MBNL1: variants seen among roughly 807,000 people sequenced by gnomAD.
MBNL1 encodes muscleblind-like protein 1.
A neutral mutation model predicts 42.2 loss-of-function variants in MBNL1; 8 were observed. The ratio of observed to expected loss-of-function variants is 0.19; its 90% CI spans 0.11 to 0.34. The LOEUF (loss-of-function observed/expected upper bound fraction) is 0.34. Ranked by LOEUF, MBNL1 falls within the 10% of genes least tolerant of loss-of-function variation. The pLI is 1.00. For missense variants in MBNL1, 309 were observed against 495.3 expected (o/e 0.62, Z 3.57); for synonymous variants, 169 against 173.9 (o/e 0.97, Z 0.22).
At chr3:152,354,668 G>A (rs2095375723) in intron 2 of MBNL1, among the ~76,000 whole-genome samples, 1 of 150,924 alleles carries the variant, frequency 6.6e-6, no homozygotes, top group South Asian at 2.1e-4. Flanking sequence ...CTGCCCTGAA[G>A]CCTTTGGTTT....
In MBNL1 at chr3:152,418,074, C is replaced by A. The variant is rs185058921; in HGVS notation, c.345+2963C>A. 4.9e-3 allele frequency among the ~76,000 whole-genome samples: 745 copies of A among 152,196 alleles called. 4 individuals carry two copies. Among genetic ancestry groups the A allele is most frequent in the Non-Finnish European group, 8.6e-3 (582 of 68,000 alleles). On this transcript the variant is annotated intron_variant, in intron 3 of 9. Coordinates refer to ENST00000324210, the MANE Select transcript of MBNL1 (RefSeq NM_021038.5). ...GAGCTTCTATTGAAATGTACCAAGC[C>A]AAGAATCAGAAACCGGACTTAAAAT...
rs372422529 is a variant in MBNL1, at chr3:152,327,150, A to C, written c.174+26783A>C. 8.9e-4 allele frequency among the ~76,000 whole-genome samples: 136 copies of C among 152,012 alleles called. 1 individual carries two copies. The highest frequency in any genetic ancestry group is 3.2e-3 in the African/African-American group (131 of 41,478). On this transcript the variant is annotated intron_variant, in intron 2 of 9. Coordinates refer to ENST00000324210, the MANE Select transcript of MBNL1 (RefSeq NM_021038.5). Reference sequence around the variant, plus strand: ...TGCTTCTCCTAATTTTTTTTGATTAATATGTTTTGATAACATTGTTCCTAT... The same window carrying C: ...TGCTTCTCCTAATTTTTTTTGATTACTATGTTTTGATAACATTGTTCCTAT...
chr3:152,439,674 G>GAT (rs1490197551), intron 4 of MBNL1, among the ~76,000 whole-genome samples: 1 of 152,060 alleles, frequency 6.6e-6, no homozygotes, highest in Non-Finnish European at 1.5e-5. Context: ...TTAGAGTTTT[G>GAT]ATATGGTATA....
intron 2 of MBNL1, among the ~76,000 whole-genome samples, chr3:152,315,477 C>G (rs2070269215): frequency 6.6e-6 from 1 of 152,064 alleles, no homozygotes; most frequent in Non-Finnish European, 1.5e-5. Context: ...GAAAATTAAG[C>G]TAAATTATTA....
intron 4 of MBNL1, among the ~76,000 whole-genome samples, chr3:152,433,566 C>T (rs1048199337): frequency 6.6e-6 from 1 of 151,738 alleles, no homozygotes; most frequent in African/African-American, 2.4e-5. Context: ...CTGGCTAACA[C>T]GGTGAAACCC....
At chr3:152,440,784 A>G (rs992630246) in intron 4 of MBNL1, among the ~76,000 whole-genome samples, 1 of 152,244 alleles carries the variant, frequency 6.6e-6, no homozygotes, top group African/African-American at 2.4e-5. Context: ...TCTTTACATT[A>G]AATTATAAAC....
At chr3:152,430,125 A>AAGTATT (rs1318949056) in intron 3 of MBNL1, among the ~76,000 whole-genome samples, 1 of 152,152 alleles carries the variant, frequency 6.6e-6, no homozygotes, top group Non-Finnish European at 1.5e-5. Flanking sequence ...TACATAATAA[A>AAGTATT]AGTATTATTC....
At chr3:152,330,926 CT>C (rs1330458495) in intron 2 of MBNL1, among the ~76,000 whole-genome samples, 1 of 152,092 alleles carries the variant, frequency 6.6e-6, no homozygotes, top group African/African-American at 2.4e-5. Context: ...TAAGGATTAT[CT>C]ACTATATACA....
At chr3:152,339,093 A>G (rs963396380) in intron 2 of MBNL1, among the ~76,000 whole-genome samples, 2 of 152,268 alleles carry the variant, frequency 1.3e-5, no homozygotes, top group South Asian at 4.1e-4. Context: ...ATATATCTTC[A>G]AATTCTTCAA....
At chr3:152,308,756 A>G (rs1001448504) in intron 2 of MBNL1, among the ~76,000 whole-genome samples, 3 of 151,710 alleles carry the variant, frequency 2.0e-5, no homozygotes, top group Non-Finnish European at 2.9e-5. Flanking sequence ...TTTTCTAAAT[A>G]CTAGTAGCCA....
chr3:152,301,516 C>T (rs1283110175), intron 2 of MBNL1, among the ~76,000 whole-genome samples: 3 of 151,982 alleles, frequency 2.0e-5, no homozygotes, highest in Non-Finnish European at 4.4e-5. Context: ...TTCATTGTTT[C>T]CTGGTCCATT....
Position 152,299,649 on chromosome 3 carries a change from A to G in MBNL1, c.-545A>G. The G allele has an allele frequency of 5.0e-6, 2 of 398,758 alleles. No homozygotes were observed. The highest frequency in any genetic ancestry group is 8.8e-6 in the Non-Finnish European group (2 of 226,114). 24.7% of individuals were successfully genotyped at this position (398,758 alleles called of 1,614,324 possible). A position where few individuals can be genotyped will look rare whatever the true frequency, so the allele number is the denominator to read the frequency against. ...CTGAAAAAGTAAGATATCTTCTGCC[A>G]GGAAATCAAGGAGGAAAAAAAAAAT... is the stretch of plus-strand genomic sequence containing the variant. On this transcript the variant is annotated 5_prime_UTR_variant, in exon 2 of 10. Transcript: ENST00000324210.
intron 3 of MBNL1, among the ~76,000 whole-genome samples, chr3:152,425,151 A>G (rs1398442430): frequency 1.3e-5 from 2 of 152,192 alleles, no homozygotes; most frequent in East Asian, 3.8e-4. Context: ...GATTTTTGCA[A>G]TCATCCATCT....
At chr3:152,380,326 G>A (rs1038727022) in intron 2 of MBNL1, among the ~76,000 whole-genome samples, 1 of 151,984 alleles carries the variant, frequency 6.6e-6, no homozygotes, top group Non-Finnish European at 1.5e-5. Context: ...AATTTGACAC[G>A]CTCCTTATCT....
At position 152,425,619 on chromosome 3, in the gene MBNL1, A is replaced by G. The variant is rs568807465; in HGVS notation, c.346-7098A>G. ...AGAGGATCTGTCTCAGAAAAAAAAA[A>G]AAAGAAAGAAATGCAAATCAAAACC... On this transcript the variant is annotated intron_variant, in intron 3 of 9. Transcript: ENST00000324210. 2.0e-5 allele frequency among the ~76,000 whole-genome samples: 3 copies of G among 152,024 alleles called. No homozygotes were observed. In the East Asian group the frequency reaches 5.8e-4, roughly 29 times the overall value.
chr3:152,386,409 A>G (rs1645624978), intron 2 of MBNL1, among the ~76,000 whole-genome samples: 1 of 152,080 alleles, frequency 6.6e-6, no homozygotes, highest in Non-Finnish European at 1.5e-5. Flanking sequence ...AGAACATATT[A>G]AAGCCTGTTT....
intron 5 of MBNL1, among the ~76,000 whole-genome samples, chr3:152,447,012 G>A (rs148940701): frequency 0.011 from 1,660 of 152,192 alleles, 13 homozygotes; most frequent in South Asian, 0.029. Context: ...AGAATGTTCT[G>A]AAGAAATAGT....
At chr3:152,271,213 AT>A (rs1238504956) in intron 1 of MBNL1, among the ~76,000 whole-genome samples, 1 of 152,210 alleles carries the variant, frequency 6.6e-6, no homozygotes, top group Non-Finnish European at 1.5e-5. Flanking sequence ...AATTCATTAA[AT>A]TTTGATTCCA....
intron 3 of MBNL1, among the ~76,000 whole-genome samples, chr3:152,419,806 G>C (rs1278359642): frequency 6.6e-6 from 1 of 152,114 alleles, no homozygotes; most frequent in Non-Finnish European, 1.5e-5. Flanking sequence ...AGGGAGCCAA[G>C]TGGTCTTGCT....
Sources: allele counts gnomAD v4.1 joint callset (sites outside exome capture counted in the v4.1 genomes callset), GRCh38; gene constraint gnomAD v4.1.1; transcripts MANE v1.5; gene names NCBI Gene and HGNC (gene_info 2026-07-23, HGNC 2026-07-21).